Variants in ITPR1 observed in about 807,000 individuals in gnomAD.
The protein encoded by ITPR1 is inositol 1,4,5-trisphosphate-gated calcium channel ITPR1.
In ITPR1, 96 loss-of-function variants were observed where a neutral mutation model predicts 318.4. The observed-to-expected ratio is 0.30, with a 90% CI of 0.26 to 0.36. The LOEUF is 0.36. Among genes scored for constraint, ITPR1 ranks in the 10% least tolerant of loss-of-function variants. The pLI, the probability that ITPR1 is intolerant of heterozygous loss-of-function variation, is 1.00. For synonymous variants in ITPR1, 1,312 were observed against 1,289.9 expected, an observed-to-expected ratio of 1.02 and a Z score of -0.37; for missense variants, 2,440 against 3,460.2, an observed-to-expected ratio of 0.71 and a Z score of 7.40.
chr3:4,770,899 T>G (rs1011943296), intron 46 of ITPR1, among the ~76,000 whole-genome samples: 1 of 152,236 alleles, frequency 6.6e-6, no homozygotes, highest in East Asian at 1.9e-4. Context: ...ACCCTACCAC[T>G]AGTCACGGGA....
chr3:4,733,584 AAGC>A (rs2043078587), intron 43 of ITPR1, among the ~76,000 whole-genome samples: 2 of 152,146 alleles, frequency 1.3e-5, no homozygotes, highest in Non-Finnish European at 2.9e-5. Flanking sequence ...AGGATAGTGA[AAGC>A]TGCCATTTAT....
chr3:4,640,774 T>C (rs1019654087), intron 6 of ITPR1, among the ~76,000 whole-genome samples: 1 of 152,192 alleles, frequency 6.6e-6, no homozygotes, highest in African/African-American at 2.4e-5. Flanking sequence ...GAATAAGCAG[T>C]GGATACACCA....
chr3:4,588,575 C>G (rs1161061595), intron 4 of ITPR1, among the ~76,000 whole-genome samples: 3 of 152,128 alleles, frequency 2.0e-5, no homozygotes, highest in African/African-American at 7.2e-5. Context: ...GCTCTCATCT[C>G]TATCTGTGTT....
intron 4 of ITPR1, among the ~76,000 whole-genome samples, chr3:4,609,089 T>TATATATATAC (rs1171860541): frequency 1.4e-3 from 130 of 91,846 alleles, no homozygotes; most frequent in Non-Finnish European, 2.6e-3. Flanking sequence ...TATATATATA[T>TATATATATAC]ACACACACAC....
At chr3:4,812,990 T>G in intron 56 of ITPR1, 152 bp from the exon 57 acceptor site, 1 of 661,242 alleles carries the variant, frequency 1.5e-6, no homozygotes, top group Admixed American at 2.4e-5. Context: ...CAAATGAAAG[T>G]GTAAATTGCA....
At chr3:4,827,792 G>T (rs2106523563) in intron 60 of ITPR1, among the ~76,000 whole-genome samples, 1 of 152,312 alleles carries the variant, frequency 6.6e-6, no homozygotes, top group Middle Eastern at 3.4e-3. Context: ...TTAGAAAAGG[G>T]GAGGGTTTGG....
At chr3:4,537,393 A>T (rs1299510500) in intron 4 of ITPR1, among the ~76,000 whole-genome samples, 2 of 152,192 alleles carry the variant, frequency 1.3e-5, no homozygotes, top group Non-Finnish European at 2.9e-5. Context: ...TAAGTTTTCA[A>T]ATCTATAGTC....
intron 58 of ITPR1, 158 bp from the exon 59 acceptor site, chr3:4,814,895 A>G (rs2049188752): frequency 2.9e-6 from 2 of 685,008 alleles, no homozygotes; most frequent in Admixed American, 2.6e-5. Context: ...CAATTGAGAC[A>G]GGGGACATGA....
chr3:4,703,439 C>T (rs769270141), intron 36 of ITPR1, among the ~76,000 whole-genome samples: 4 of 152,064 alleles, frequency 2.6e-5, no homozygotes, highest in Non-Finnish European at 5.9e-5. Flanking sequence ...CCTCCTGTCC[C>T]GCCTCTCATA....
At chr3:4,685,708 G>T (rs191839159) in intron 30 of ITPR1, among the ~76,000 whole-genome samples, 1 of 152,332 alleles carries the variant, frequency 6.6e-6, no homozygotes, top group East Asian at 1.9e-4. Flanking sequence ...GCTGGAAGTT[G>T]TACTTTGCCT....
chr3:4,619,720 G>C lies in ITPR1; in HGVS notation c.164-8043G>C, dbSNP rs1346327547. On this transcript the variant is annotated intron_variant, in intron 4 of 61. Transcript: ENST00000649015. ...CCCCTGCTCTCCTCTGCTCTCCCCT[G>C]CTCTCCTCTGCTCTCCCCTGCTCTC... 3.9e-3 allele frequency among the ~76,000 whole-genome samples: 38 copies of C among 9,766 alleles called. 11 individuals carry two copies. Among genetic ancestry groups the C allele is most frequent in the African/African-American group, 7.9e-3 (11 of 1,392 alleles). The allele number at this position is 9,766 out of a possible 152,430, so 6.4% of individuals were successfully genotyped here.
chr3:4,634,519 T>G (rs1332745609), intron 5 of ITPR1, among the ~76,000 whole-genome samples: 1 of 152,088 alleles, frequency 6.6e-6, no homozygotes, highest in African/African-American at 2.4e-5. Flanking sequence ...TTTAAAAAAT[T>G]CAGAGTACCT....
chr3:4,642,555 C>T (rs2093361433), intron 7 of ITPR1, among the ~76,000 whole-genome samples: 1 of 152,180 alleles, frequency 6.6e-6, no homozygotes, highest in African/African-American at 2.4e-5. Context: ...GGGTCCCTGT[C>T]ATTCCAGATC....
chr3:4,563,526 A>T (rs1299250310), intron 4 of ITPR1, among the ~76,000 whole-genome samples: 1 of 152,036 alleles, frequency 6.6e-6, no homozygotes, highest in Non-Finnish European at 1.5e-5. Context: ...ATAAAAAAGC[A>T]ATTTGTCCTC....
chr3:4,762,776 G>T (rs957227973), intron 44 of ITPR1, among the ~76,000 whole-genome samples: 1 of 152,216 alleles, frequency 6.6e-6, no homozygotes, highest in African/African-American at 2.4e-5. Flanking sequence ...CCTTCCCAGT[G>T]TGGCAATTCC....
chr3:4,688,265 T>TC lies in ITPR1; in HGVS notation c.3703-230_3703-229insC, dbSNP rs34573408. 0.42 allele frequency among the ~76,000 whole-genome samples: 63,412 copies of TC among 151,860 alleles called. 14,230 individuals carry two copies. The highest frequency in any genetic ancestry group is 0.53 in the Non-Finnish European group (35,810 of 67,888). ...ACTCATGGATGCCTTCTATTAGCCT[T>TC]ACTCTGCAGTGCTCCCTCCCACCCA... On this transcript the variant is annotated intron_variant, in intron 30 of 61. Coordinates refer to ENST00000649015, the MANE Select transcript of ITPR1 (RefSeq NM_001378452.1).
At chr3:4,601,090 G>T (rs1334621270) in intron 4 of ITPR1, among the ~76,000 whole-genome samples, 1 of 151,286 alleles carries the variant, frequency 6.6e-6, no homozygotes, top group South Asian at 2.1e-4. Flanking sequence ...TCACCTGTTA[G>T]ATGTAAAGGG....
chr3:4,538,474 G>A (rs368584710), intron 4 of ITPR1, among the ~76,000 whole-genome samples: 2 of 152,180 alleles, frequency 1.3e-5, no homozygotes, highest in East Asian at 3.8e-4. Flanking sequence ...CAATCATCAT[G>A]GAAGACAGTG....
chr3:4,582,197 T>C (rs901253841), intron 4 of ITPR1, among the ~76,000 whole-genome samples: 1 of 152,180 alleles, frequency 6.6e-6, no homozygotes, highest in African/African-American at 2.4e-5. Context: ...AGAGGTTAGA[T>C]ACCGCTTATT....
Sources: allele counts gnomAD v4.1 joint callset (sites outside exome capture counted in the v4.1 genomes callset), GRCh38; gene constraint gnomAD v4.1.1; transcripts MANE v1.5; gene names NCBI Gene and HGNC (gene_info 2026-07-23, HGNC 2026-07-21).